The following USP2 variants were observed in gnomAD, a reference collection of about 807,000 sequenced individuals.
The protein encoded by USP2 is ubiquitin carboxyl-terminal hydrolase 2.
USP2 carries 33 observed loss-of-function variants against 72.0 expected under a neutral mutation model. The observed-to-expected ratio is 0.46, with a 90% confidence interval of 0.35 to 0.61. USP2 has a LOEUF of 0.61. USP2 is among the 20% of genes least tolerant of loss of function. The pLI is 0.01. For synonymous variants in USP2, 296 were observed against 312.5 expected (o/e 0.95, Z 0.56); for missense variants, 691 against 797.8 (o/e 0.87, Z 1.61).
rs1186515191 is a variant in USP2 at position 119,366,185 on chromosome 11, A to G, written c.775-5951T>C. On this transcript the variant is annotated intron_variant, in intron 2 of 12. Coordinates refer to ENST00000260187, the MANE Select transcript of USP2 (RefSeq NM_004205.5). ...GCTGGGATTACAGGCGTGAGCCACC[A>G]CGCCCGGCCTATTACCTCTGTTTTA... Among the ~76,000 whole-genome samples, 7 of 152,206 alleles carry G rather than the reference A, an allele frequency of 4.6e-5. No homozygotes were observed. In the East Asian group the frequency reaches 9.6e-4, roughly 21 times the overall value.
chr11:119,372,465 A>G (rs1425927792), intron 2 of USP2, among the ~76,000 whole-genome samples: 2 of 152,202 alleles, frequency 1.3e-5, no homozygotes, highest in Non-Finnish European at 2.9e-5. Context: ...TCCTGAGAAC[A>G]CTACTGGACT....
Position 119,356,746 on chromosome 11 carries a change from GTT to G in USP2, c.*87_*88del. 1 of 1,241,054 alleles carries G rather than the reference GTT, an allele frequency of 8.1e-7. No individual in the cohort carries two copies. The highest frequency in any genetic ancestry group is 1.1e-6 in the Non-Finnish European group (1 of 905,246). The allele number at this position is 1,241,054 out of a possible 1,614,324, so 76.9% of individuals were successfully genotyped here. ...TGTTTTTCTCTTGTCAGGTTTGTGT[GTT>G]GTTGTTGTTGTTTTGTTTTTGTCTT... is the stretch of plus-strand genomic sequence containing the variant. On this transcript the variant is annotated 3_prime_UTR_variant, in exon 13 of 13. Coordinates refer to ENST00000260187, the MANE Select transcript of USP2 (RefSeq NM_004205.5).
Position 119,357,267 on chromosome 11 carries a change from G to A in USP2, c.1650C>T (p.Ser550=), listed in dbSNP as rs773050713. Residue 550 remains serine (S), a synonymous_variant, in exon 12 of 13, where the codon TCC becomes TCT. Coordinates refer to ENST00000260187, the MANE Select transcript of USP2 (RefSeq NM_004205.5). ...VYNLYAVSNH[S]GTTMGGHYTA... ...TATAGTGGCCACCCATGGTGGTTCC[G>A]GAGTGATTGGACACAGCGTACAGGT... 17 of 1,613,644 alleles carry A rather than the reference G, an allele frequency of 1.1e-5. No homozygotes were observed. The highest frequency in any genetic ancestry group is 2.2e-5 in the South Asian group (2 of 91,058).
At chr11:119,357,440 C>T (rs759341526) in intron 11 of USP2, 43 bp downstream of exon 11, 15 of 1,613,308 alleles carry the variant, frequency 9.3e-6, no homozygotes, top group African/African-American at 4.0e-5. Flanking sequence ...CGGCCTTGCA[C>T]ACCTGCGTCT....
rs961368536 is a variant in USP2 at position 119,381,624 on chromosome 11, C to T, written c.-193G>A. 6.3e-6 allele frequency: 9 copies of T among 1,437,660 alleles called. No individual in the cohort carries two copies. Among genetic ancestry groups the T allele is most frequent in the Non-Finnish European group, 8.5e-6 (9 of 1,060,194 alleles). The allele number at this position is 1,437,660 out of a possible 1,614,324, so 89.1% of individuals were successfully genotyped here. A position where few individuals can be genotyped will look rare whatever the true frequency, so the allele number is the denominator to read the frequency against. ...CTGCCTGACTCTCTCCCACCTCCGC[C>T]GGGGGCCCAGAAGGGACCTCCCCGG... On this transcript the variant is annotated 5_prime_UTR_variant, in exon 1 of 13. Transcript: ENST00000260187.
chr11:119,373,497 C>T lies in USP2; in HGVS notation c.-17G>A, dbSNP rs1264513852. 8.4e-6 allele frequency: 13 copies of T among 1,556,140 alleles called. No homozygotes were observed. Among genetic ancestry groups the T allele is most frequent in the South Asian group, 2.4e-5 (2 of 83,078 alleles). On this transcript the variant is annotated 5_prime_UTR_variant, in exon 2 of 13. The change abolishes the stop of an existing upstream ORF in the 5' untranslated region. Transcript: ENST00000260187. ...CTGGGACATCCTTCAGGGTGGCACTCAGTGGGGACTGGGAGCCTCATGGGC... is the reference window on the plus strand; with the variant it reads ...CTGGGACATCCTTCAGGGTGGCACTTAGTGGGGACTGGGAGCCTCATGGGC...
chr11:119,367,917 T>C (rs1340588371), intron 2 of USP2, among the ~76,000 whole-genome samples: 1 of 152,198 alleles, frequency 6.6e-6, no homozygotes, highest in African/African-American at 2.4e-5. Flanking sequence ...AACTTCTGCA[T>C]TGCTGAGCCC....
At chr11:119,371,537 A>C (rs897518563) in intron 2 of USP2, among the ~76,000 whole-genome samples, 3 of 151,800 alleles carry the variant, frequency 2.0e-5, no homozygotes, top group Non-Finnish European at 4.4e-5. Flanking sequence ...CAAAGCCAAG[A>C]CTCCCTAAGT....
chr11:119,373,504 G>T lies in USP2; in HGVS notation c.-24C>A. On this transcript the variant is annotated 5_prime_UTR_variant, in exon 2 of 13. Coordinates refer to ENST00000260187, the MANE Select transcript of USP2 (RefSeq NM_004205.5). The stretch of plus-strand genomic sequence containing the variant: ...ATCCTTCAGGGTGGCACTCAGTGGG[G>T]ACTGGGAGCCTCATGGGCTGAAAGA... 6.5e-7 allele frequency: 1 copy of T among 1,545,924 alleles called. No individual in the cohort carries two copies. The highest frequency in any genetic ancestry group is 1.2e-5 in the South Asian group (1 of 81,686).
intron 1 of USP2, 66 bp downstream of exon 1, chr11:119,381,407 T>G (rs1725577965): frequency 6.7e-7 from 1 of 1,503,600 alleles, no homozygotes; most frequent in Non-Finnish European, 8.9e-7. Context: ...CACCTTACTT[T>G]CTGAGCTCCA....
At chr11:119,379,917 C>CTTTTTTTTTTT (rs397816714) in intron 1 of USP2, among the ~76,000 whole-genome samples, 3 of 116,546 alleles carry the variant, frequency 2.6e-5, no homozygotes, top group African/African-American at 6.6e-5. Context: ...GTTCCTTTCT[C>CTTTTTTTTTTT]TTTTTTTTTT....
In USP2 at chr11:119,359,130, G is replaced by C; in HGVS notation, c.1066C>G (p.Gln356Glu). 6.2e-7 allele frequency: 1 copy of C among 1,613,998 alleles called. No individual in the cohort carries two copies. The highest frequency in any genetic ancestry group is 1.6e-4 in the Middle Eastern group (1 of 6,062). The change falls in exon 6 of 13, where the codon CAG (glutamine) becomes GAG (glutamate). Residue 356 changes from glutamine to glutamate, a missense_variant. By Grantham distance (29) the Gln-to-Glu change is conservative. Transcript: ENST00000260187. ...AAGCGAAGGAACTCCTGAGCATCCT[G>C]CTGACTGAACCCAAAGGAAGGAGGG... ...YAPRFVGYNQ[Q>E]DAQEFLRFLL...
At position 119,381,604 on chromosome 11, in the gene USP2, T is replaced by C. The variant is rs1440133738; in HGVS notation, c.-173A>G. 6.7e-7 allele frequency: 1 copy of C among 1,500,916 alleles called. No individual in the cohort carries two copies. Among genetic ancestry groups the C allele is most frequent in the African/African-American group, 1.4e-5 (1 of 72,298 alleles). The allele number at this position is 1,500,916 out of a possible 1,614,324, so 93.0% of individuals were successfully genotyped here. ...GGGCTCCCCGGCCTCGGCTCCTGCC[T>C]GACTCTCTCCCACCTCCGCCGGGGG... On this transcript the variant is annotated 5_prime_UTR_variant, in exon 1 of 13. Coordinates refer to ENST00000260187, the MANE Select transcript of USP2 (RefSeq NM_004205.5).
intron 2 of USP2, chr11:119,363,842 C>A: frequency 7.2e-7 from 1 of 1,390,644 alleles, no homozygotes; most frequent in Non-Finnish European, 9.4e-7. Context: ...GAAAAGGGCC[C>A]GCGTACCTTG....
intron 3 of USP2, 136 bp from the exon 4 acceptor site, chr11:119,359,796 C>T (rs1326246425): frequency 2.3e-6 from 3 of 1,284,748 alleles, no homozygotes; most frequent in African/African-American, 1.5e-5. Flanking sequence ...CCTCAAGTTC[C>T]TCTTTTCATA....
rs566361644 is a variant in USP2 at position 119,358,200 on chromosome 11, G to A, written c.1290C>T (p.Tyr430=). The A allele has an allele frequency of 1.3e-5, 21 of 1,613,982 alleles. No homozygotes were observed. The South Asian group carries it at 2.0e-4, about 15-fold the overall frequency. Residue 430 remains tyrosine, a synonymous_variant, in exon 8 of 13, where the codon TAC becomes TAT. Coordinates refer to ENST00000260187, the MANE Select transcript of USP2 (RefSeq NM_004205.5). ...KSSLTCTDCG[Y]CSTVFDPFWD... ...AGAAGGGGTCGAAGACCGTAGAACA[G>A]TAACCACAATCTGTACACGTCAGCG... is the stretch of plus-strand genomic sequence containing the variant.
At chr11:119,377,650 A>G (rs1046536524) in intron 1 of USP2, among the ~76,000 whole-genome samples, 1 of 152,112 alleles carries the variant, frequency 6.6e-6, no homozygotes, top group African/African-American at 2.4e-5. Flanking sequence ...GCAAGTCCCT[A>G]GCCTCCTACC....
intron 1 of USP2, among the ~76,000 whole-genome samples, chr11:119,377,391 C>G (rs1951015244): frequency 6.6e-6 from 1 of 152,216 alleles, no homozygotes; most frequent in Admixed American, 6.5e-5. Flanking sequence ...AGGACCACCA[C>G]AGGATCCAGG....
At position 119,368,635 on chromosome 11, in the gene USP2, C is replaced by A. The variant is rs747389888; in HGVS notation, c.774+4072G>T. Among the ~76,000 whole-genome samples, 28 of 152,236 alleles carry A rather than the reference C, an allele frequency of 1.8e-4. 1 individual carries two copies. The highest frequency in any genetic ancestry group is 2.1e-4 in the South Asian group (1 of 4,830). On this transcript the variant is annotated intron_variant, in intron 2 of 12. Coordinates refer to ENST00000260187, the MANE Select transcript of USP2 (RefSeq NM_004205.5). The stretch of plus-strand genomic sequence containing the variant: ...GGACCCAGGTATTCAGTTTCCCAGA[C>A]CTTTTGCTCCTAGAAACAGGTCCTA...
Sources: gnomAD v4.1 joint callset for allele counts (sites outside exome capture counted in the v4.1 genomes callset) on GRCh38, gnomAD v4.1.1 for gene constraint, MANE v1.5 for transcripts, NCBI Gene and HGNC (gene_info 2026-07-23, HGNC 2026-07-21) for gene names.